The following SPON1 variants were observed in gnomAD, a reference collection of about 807,000 sequenced individuals.
SPON1 encodes the protein spondin-1.
Under a neutral mutation model 111.7 loss-of-function variants are expected in SPON1, and 52 were observed. The observed-to-expected ratio is 0.47, with a 90% CI of 0.37 to 0.59. The LOEUF (loss-of-function observed/expected upper bound fraction) is 0.59. Ranked by LOEUF, SPON1 falls within the 20% of genes least tolerant of loss-of-function variation. SPON1 has a pLI of 0.00. For synonymous variants in SPON1, 410 were observed against 395.8 expected (o/e 1.04, Z -0.43); for missense variants, 957 against 1,068.5 (o/e 0.90, Z 1.46).
intron 2 of SPON1, among the ~76,000 whole-genome samples, chr11:13,996,633 A>T (rs1308724328): frequency 6.6e-6 from 1 of 152,190 alleles, no homozygotes; most frequent in African/African-American, 2.4e-5. Flanking sequence ...ATGTCATTTT[A>T]TAATCTAGAG....
intron 6 of SPON1, among the ~76,000 whole-genome samples, chr11:14,159,685 A>G (rs10832219): frequency 0.39 from 59,596 of 151,828 alleles, 11,964 homozygotes; most frequent in East Asian, 0.55. Flanking sequence ...TATATACACA[A>G]TGGAGTACTA....
chr11:14,113,895 C>T (rs577811886), intron 5 of SPON1, among the ~76,000 whole-genome samples: 208 of 152,036 alleles, frequency 1.4e-3, no homozygotes, highest in African/African-American at 4.7e-3. Flanking sequence ...TGAGCCACCG[C>T]GCCTGGCCAA....
In SPON1 at chr11:14,080,190, G is replaced by A. The variant is rs74566486; in HGVS notation, c.676+169G>A. 5.0e-3 allele frequency among the ~76,000 whole-genome samples: 756 copies of A among 152,170 alleles called. 41 individuals are homozygous for A. In the East Asian group the frequency reaches 0.12, roughly 25 times the overall value. On this transcript the variant is annotated intron_variant, in intron 5 of 15. Coordinates refer to ENST00000576479, the MANE Select transcript of SPON1 (RefSeq NM_006108.4). ...TAATCAAGACAGGCAGACATTATAT[G>A]GGTATGCTTTCAGCTTCTTTGCATA...
rs562827283 is a variant in SPON1, at chr11:14,072,545, C to A, written c.480-2800C>A. 8.5e-5 allele frequency among the ~76,000 whole-genome samples: 13 copies of A among 152,070 alleles called. No individual in the cohort carries two copies. The East Asian group carries it at 2.3e-3, about 27-fold the overall frequency. Reference sequence around the variant, plus strand: ...GAGGCAGCACAGGCAGAGGCCTGGTCGAGTTGAAGAGGTGTTCACACAAGA... The same window carrying A: ...GAGGCAGCACAGGCAGAGGCCTGGTAGAGTTGAAGAGGTGTTCACACAAGA... On this transcript the variant is annotated intron_variant, in intron 3 of 15. Coordinates refer to ENST00000576479, the MANE Select transcript of SPON1 (RefSeq NM_006108.4).
intron 6 of SPON1, among the ~76,000 whole-genome samples, chr11:14,221,705 C>G (rs1289910870): frequency 1.3e-5 from 2 of 152,170 alleles, no homozygotes; most frequent in African/African-American, 2.4e-5. Context: ...TCCTTCTTAT[C>G]AATGGGGGGT....
At chr11:14,096,451 G>A (rs181896530) in intron 5 of SPON1, among the ~76,000 whole-genome samples, 39 of 152,296 alleles carry the variant, frequency 2.6e-4, no homozygotes, top group African/African-American at 8.7e-4. Context: ...GGAGGGTGAC[G>A]TCGAGGGATC....
chr11:14,033,052 C>T (rs539946416), intron 2 of SPON1, among the ~76,000 whole-genome samples: 1 of 152,350 alleles, frequency 6.6e-6, no homozygotes, highest in East Asian at 1.9e-4. Flanking sequence ...TCACATCTCA[C>T]ATCCTCCACA....
At chr11:13,975,002 ACTC>A (rs1225445695) in intron 1 of SPON1, among the ~76,000 whole-genome samples, 7 of 152,046 alleles carry the variant, frequency 4.6e-5, no homozygotes, top group Non-Finnish European at 7.4e-5. Flanking sequence ...CACTGGATAA[ACTC>A]CTATTCTTCA....
At chr11:13,983,320 C>T (rs953297301) in intron 2 of SPON1, among the ~76,000 whole-genome samples, 11 of 152,084 alleles carry the variant, frequency 7.2e-5, no homozygotes, top group Non-Finnish European at 1.3e-4. Context: ...AACAAGAGCT[C>T]GGGACCGCCA....
At chr11:13,963,272 C>A (rs1000042459) in intron 1 of SPON1, 130 bp downstream of exon 1, 1 of 627,464 alleles carries the variant, frequency 1.6e-6, no homozygotes, top group African/African-American at 2.0e-5. Flanking sequence ...AAGGGCCCTT[C>A]TGTCCTGGCT....
At chr11:14,010,591 G>A (rs1848396396) in intron 2 of SPON1, among the ~76,000 whole-genome samples, 1 of 152,194 alleles carries the variant, frequency 6.6e-6, no homozygotes, top group South Asian at 2.1e-4. Context: ...ACCTGCATGA[G>A]TGGAGTGTGT....
At chr11:14,103,452 C>CA (rs1849159430) in intron 5 of SPON1, among the ~76,000 whole-genome samples, 1 of 152,202 alleles carries the variant, frequency 6.6e-6, no homozygotes, top group South Asian at 2.1e-4. Flanking sequence ...GGCAAGGACC[C>CA]AGACCCTCCC....
chr11:14,025,626 A>G (rs1213303675), intron 2 of SPON1, among the ~76,000 whole-genome samples: 2 of 152,108 alleles, frequency 1.3e-5, no homozygotes, highest in African/African-American at 2.4e-5. Context: ...TGGGGTGAAG[A>G]AGTGCTGGAG....
chr11:14,094,205 C>G (rs1849081377), intron 5 of SPON1, among the ~76,000 whole-genome samples: 1 of 144,464 alleles, frequency 6.9e-6, no homozygotes, highest in Admixed American at 7.0e-5. Flanking sequence ...GAGTGAGACT[C>G]TGTCTCAAAA....
At chr11:14,084,619 G>A (rs545376550) in intron 5 of SPON1, among the ~76,000 whole-genome samples, 1 of 152,312 alleles carries the variant, frequency 6.6e-6, no homozygotes, top group South Asian at 2.1e-4. Context: ...AAATATGCAT[G>A]TGTCTTTATA....
Position 14,230,554 on chromosome 11 carries a change from C to T in SPON1, c.826-12778C>T, listed in dbSNP as rs73426181. Among the ~76,000 whole-genome samples, 1,031 of 152,288 alleles carry T rather than the reference C, an allele frequency of 6.8e-3. 13 individuals carry two copies. Among genetic ancestry groups the T allele is most frequent in the African/African-American group, 0.024 (986 of 41,554 alleles). On this transcript the variant is annotated intron_variant, in intron 6 of 15. Transcript: ENST00000576479. ...CTTATGAATTCTACCCCTGCCATGGCGCTCTGTCCCCCTGCCCACCTTCCC... is the reference window on the plus strand; with the variant it reads ...CTTATGAATTCTACCCCTGCCATGGTGCTCTGTCCCCCTGCCCACCTTCCC...
intron 6 of SPON1, among the ~76,000 whole-genome samples, chr11:14,155,211 C>G (rs1357804352): frequency 6.6e-6 from 1 of 152,224 alleles, no homozygotes; most frequent in Non-Finnish European, 1.5e-5. Flanking sequence ...TCCAAAGTCA[C>G]TTACACATTT....
chr11:13,972,387 G>T (rs529225022), intron 1 of SPON1, among the ~76,000 whole-genome samples: 1 of 152,144 alleles, frequency 6.6e-6, no homozygotes, highest in Admixed American at 6.5e-5. Flanking sequence ...ATGGTTTATC[G>T]TTAGATTTAA....
chr11:13,985,284 G>A (rs1331792487), intron 2 of SPON1, among the ~76,000 whole-genome samples: 4 of 152,126 alleles, frequency 2.6e-5, no homozygotes, highest in African/African-American at 4.8e-5. Flanking sequence ...GATCAAAGTG[G>A]GATAAGAATA....
Sources: allele counts gnomAD v4.1 joint callset (sites outside exome capture counted in the v4.1 genomes callset), GRCh38; gene constraint gnomAD v4.1.1; transcripts MANE v1.5; gene names NCBI Gene and HGNC (gene_info 2026-07-23, HGNC 2026-07-21).